The following RAD51B variants were observed in gnomAD, a reference collection of about 807,000 sequenced individuals.
RAD51B encodes RAD51 paralog B.
Under a neutral mutation model 42.2 loss-of-function variants are expected in RAD51B, and 38 were observed. The ratio of observed to expected loss-of-function variants is 0.90; its 90% confidence interval spans 0.70 to 1.18. RAD51B has a LOEUF of 1.18. Ranked by LOEUF, RAD51B falls within the 50% of genes most tolerant of loss-of-function variation. RAD51B has a pLI of 0.00. For missense variants in RAD51B, 373 were observed against 400.7 expected (o/e 0.93, Z 0.59); for synonymous variants, 154 against 145.2 (o/e 1.06, Z -0.43).
At chr14:68,360,199 C>G (rs2082994967) in intron 8 of RAD51B, among the ~76,000 whole-genome samples, 1 of 152,186 alleles carries the variant, frequency 6.6e-6, no homozygotes, top group Non-Finnish European at 1.5e-5. Flanking sequence ...CCCAGATGTA[C>G]TCCTAGACTG....
intron 8 of RAD51B, among the ~76,000 whole-genome samples, chr14:68,328,842 C>T (rs1402268650): frequency 1.3e-5 from 2 of 152,144 alleles, no homozygotes; most frequent in Non-Finnish European, 2.9e-5. Context: ...TTTGGAGAAG[C>T]CTGCCTAAGA....
At chr14:68,671,021 C>G (rs1372844879) in intron 11 of RAD51B, among the ~76,000 whole-genome samples, 1 of 152,064 alleles carries the variant, frequency 6.6e-6, no homozygotes, top group Non-Finnish European at 1.5e-5. Flanking sequence ...CTGCTGCTGG[C>G]CCCCCCAAGA....
At chr14:67,958,627 A>G (rs1285207555) in intron 7 of RAD51B, among the ~76,000 whole-genome samples, 2 of 152,166 alleles carry the variant, frequency 1.3e-5, no homozygotes, top group African/African-American at 4.8e-5. Flanking sequence ...TCCTTTTCTT[A>G]TTTGGGACAA....
rs1197079209 is a variant in RAD51B at position 67,871,067 on chromosome 14, G to A, written c.452+5928G>A. On this transcript the variant is annotated intron_variant, in intron 5 of 10. Coordinates refer to ENST00000471583, the MANE Select transcript of RAD51B (RefSeq NM_133510.4). ...CAAACACATTCAAAAGCTAGCAGAA[G>A]GCAGGAAATAACTAAAATCAGAGCA... Among the ~76,000 whole-genome samples, 41 of 152,136 alleles carry A rather than the reference G, an allele frequency of 2.7e-4. 1 individual carries two copies. Among genetic ancestry groups the A allele is most frequent in the Non-Finnish European group, 2.9e-5 (2 of 68,010 alleles).
chr14:68,271,608 C>T (rs1466847130), intron 7 of RAD51B, among the ~76,000 whole-genome samples: 1 of 152,170 alleles, frequency 6.6e-6, no homozygotes, highest in African/African-American at 2.4e-5. Flanking sequence ...AGTTATGGCT[C>T]TCCCATTACC....
At chr14:68,613,565 T>C (rs542960940), downstream of RAD51B, among the ~76,000 whole-genome samples, 1 of 151,766 alleles carries the variant, frequency 6.6e-6, no homozygotes, top group East Asian at 2.0e-4. Context: ...GCCATTCTCC[T>C]GCCTCAGCTT....
chr14:68,340,019 A>G (rs1430262134), intron 8 of RAD51B, among the ~76,000 whole-genome samples: 1 of 152,224 alleles, frequency 6.6e-6, no homozygotes, highest in Non-Finnish European at 1.5e-5. Context: ...TTAAAAAAAG[A>G]AGAAATGTTT....
intron 8 of RAD51B, among the ~76,000 whole-genome samples, chr14:68,299,342 T>G (rs996647065): frequency 4.6e-5 from 7 of 152,032 alleles, no homozygotes; most frequent in African/African-American, 1.2e-4. Context: ...CAACCAACCA[T>G]GAATCAAAAA....
intron 8 of RAD51B, among the ~76,000 whole-genome samples, chr14:68,335,336 ATATGT>A (rs1595721889): frequency 6.6e-6 from 1 of 151,648 alleles, no homozygotes. Context: ...GAAACAGAAA[ATATGT>A]TATATTTTTC....
chr14:68,171,215 A>G (rs1309976925), intron 7 of RAD51B, among the ~76,000 whole-genome samples: 3 of 152,210 alleles, frequency 2.0e-5, no homozygotes, highest in Admixed American at 2.0e-4. Flanking sequence ...AGCCTGACAG[A>G]ACAAAAAAGA....
At chr14:68,023,160 T>C (rs1038948366) in intron 7 of RAD51B, among the ~76,000 whole-genome samples, 16 of 152,202 alleles carry the variant, frequency 1.1e-4, no homozygotes, top group African/African-American at 3.9e-4. Flanking sequence ...TATATTCTTT[T>C]GGGTATATAC....
At chr14:68,143,699 C>T (rs969072125) in intron 7 of RAD51B, among the ~76,000 whole-genome samples, 9 of 152,238 alleles carry the variant, frequency 5.9e-5, no homozygotes, top group African/African-American at 2.2e-4. Flanking sequence ...AATCTCCTTC[C>T]TTCCAGCTGT....
chr14:68,637,590 A>G (rs1159032322), intron 10 of RAD51B, among the ~76,000 whole-genome samples: 1 of 152,236 alleles, frequency 6.6e-6, no homozygotes, highest in African/African-American at 2.4e-5. Flanking sequence ...TGATTGCAGC[A>G]CAAAGGCAGC....
At chr14:68,250,810 C>A (rs760125490) in intron 7 of RAD51B, among the ~76,000 whole-genome samples, 1 of 152,140 alleles carries the variant, frequency 6.6e-6, no homozygotes, top group Non-Finnish European at 1.5e-5. Context: ...ATGGAACATT[C>A]CCAGGAAGGG....
chr14:67,958,343 G>A (rs9323501), intron 7 of RAD51B, among the ~76,000 whole-genome samples: 47,068 of 152,142 alleles, frequency 0.31, 9,961 homozygotes, highest in African/African-American at 0.6. Context: ...CAGAAGTGGA[G>A]TTTACTTTTG....
intron 7 of RAD51B, among the ~76,000 whole-genome samples, chr14:67,961,884 A>G (rs2140231579): frequency 6.6e-6 from 1 of 152,350 alleles, no homozygotes; most frequent in South Asian, 2.1e-4. Context: ...CTACAGCAGA[A>G]AACTATAACA....
At chr14:68,443,152 G>C (rs866950625) in intron 9 of RAD51B, among the ~76,000 whole-genome samples, 40 of 152,286 alleles carry the variant, frequency 2.6e-4, no homozygotes, top group Middle Eastern at 3.4e-3. Context: ...CCCAGGGCTG[G>C]AAACATTTTG....
chr14:68,610,871 G>GTGTGTGTGTT, intron 10 of RAD51B: 4 of 629,052 alleles, frequency 6.4e-6, no homozygotes, highest in East Asian at 2.7e-5. Flanking sequence ...GTGTGTGTGT[G>GTGTGTGTGTT]TGTGTGTGTG....
intron 7 of RAD51B, among the ~76,000 whole-genome samples, chr14:67,976,631 A>G (rs989039403): frequency 6.6e-6 from 1 of 152,108 alleles, no homozygotes; most frequent in Non-Finnish European, 1.5e-5. Context: ...AACCTAGGCA[A>G]TACAATTCAG....
Sources: allele counts gnomAD v4.1 joint callset (sites outside exome capture counted in the v4.1 genomes callset), GRCh38; gene constraint gnomAD v4.1.1; transcripts MANE v1.5; gene names NCBI Gene and HGNC (gene_info 2026-07-23, HGNC 2026-07-21).